The following TMEM167A variants were observed in gnomAD, a reference collection of about 807,000 sequenced individuals.
TMEM167A encodes protein kish-A.
In TMEM167A, 8 loss-of-function variants were observed where a neutral mutation model predicts 11.6. The observed-to-expected ratio is 0.69, with a 90% CI of 0.40 to 1.24. The LOEUF is 1.24. Ranked by LOEUF, TMEM167A falls within the 50% of genes most tolerant of loss-of-function variation. The pLI is 0.01. For missense variants in TMEM167A, 62 were observed against 87.0 expected (o/e 0.71, Z 1.14); for synonymous variants, 22 against 28.0 (o/e 0.79, Z 0.67).
In TMEM167A at chr5:83,060,208, G is replaced by A. The variant is rs1274667811; in HGVS notation, c.148+1669C>T. On this transcript the variant is annotated intron_variant, in intron 3 of 3. Transcript: ENST00000502346. ...GGAACACAGTTTATCTAATGGAGATGCCTCTTCAATTCTCTATCCTATTAA... is the reference window on the plus strand; with the variant it reads ...GGAACACAGTTTATCTAATGGAGATACCTCTTCAATTCTCTATCCTATTAA... Among the ~76,000 whole-genome samples, 52 of 148,482 alleles carry A rather than the reference G, an allele frequency of 3.5e-4. 1 individual carries two copies. Among genetic ancestry groups the A allele is most frequent in the Admixed American group, 3.5e-3 (52 of 15,006 alleles).
rs1044390898 is a variant in TMEM167A at position 83,057,087 on chromosome 5, C to T, written c.216G>A (p.Gln72=). The change falls in exon 4 of 4, where the codon CAG becomes CAA. Residue 72 remains glutamine (Q), a synonymous_variant. Transcript: ENST00000502346. ...IVMAFSILFI[Q] is the part of the protein sequence containing the mutation. ...TACATTCTGGCATTTTCCCCAGCTA[C>T]TGTATGAAGAGGATGCTGAAGGCCA... The T allele has an allele frequency of 6.2e-7, 1 of 1,611,234 alleles. No individual in the cohort carries two copies. Among genetic ancestry groups the T allele is most frequent in the East Asian group, 2.2e-5 (1 of 44,868 alleles).
chr5:83,072,562 TCTGTTGC>T (rs1744577369), intron 1 of TMEM167A, among the ~76,000 whole-genome samples: 1 of 152,186 alleles, frequency 6.6e-6, no homozygotes, highest in African/African-American at 2.4e-5. Flanking sequence ...GGAGTCTCAC[TCTGTTGC>T]CCAGACTGGA....
At chr5:83,067,121 A>G (rs1162989767) in intron 1 of TMEM167A, among the ~76,000 whole-genome samples, 1 of 152,192 alleles carries the variant, frequency 6.6e-6, no homozygotes, top group African/African-American at 2.4e-5. Flanking sequence ...ATTGGAAGGC[A>G]ACATTGTAAA....
chr5:83,075,652 G>A (rs1281595321), intron 1 of TMEM167A, among the ~76,000 whole-genome samples: 1 of 151,968 alleles, frequency 6.6e-6, no homozygotes, highest in African/African-American at 2.4e-5. Flanking sequence ...GGCTGAGGCA[G>A]GAGAATTGCT....
chr5:83,072,285 A>C (rs1447282067), intron 1 of TMEM167A, among the ~76,000 whole-genome samples: 1 of 152,236 alleles, frequency 6.6e-6, no homozygotes, highest in Non-Finnish European at 1.5e-5. Flanking sequence ...AAAAATTAGA[A>C]TAAATGCTCC....
rs1361737444 is a variant in TMEM167A, at chr5:83,057,055, T to C, written c.*29A>G. 3.7e-6 allele frequency: 6 copies of C among 1,600,530 alleles called. No homozygotes were observed. The East Asian group carries it at 1.3e-4, about 36-fold the overall frequency. On this transcript the variant is annotated 3_prime_UTR_variant, in exon 4 of 4. Coordinates refer to ENST00000502346, the MANE Select transcript of TMEM167A (RefSeq NM_174909.5). ...AGTCCTTGTTCACAATCAAATCTGA[T>C]GGCAACTACATTCTGGCATTTTCCC...
intron 1 of TMEM167A, among the ~76,000 whole-genome samples, chr5:83,075,437 C>A (rs979279769): frequency 3.3e-5 from 5 of 152,122 alleles, no homozygotes; most frequent in Non-Finnish European, 4.4e-5. Context: ...AACATTTTAT[C>A]CTTGAAATGC....
At chr5:83,058,421 CTG>C (rs1744362848) in intron 3 of TMEM167A, among the ~76,000 whole-genome samples, 1 of 151,854 alleles carries the variant, frequency 6.6e-6, no homozygotes, top group Non-Finnish European at 1.5e-5. Flanking sequence ...GAAAGTGAAA[CTG>C]TTTTTACAAT....
chr5:83,070,471 G>A (rs747965538), intron 1 of TMEM167A, among the ~76,000 whole-genome samples: 1 of 152,086 alleles, frequency 6.6e-6, no homozygotes, highest in African/African-American at 2.4e-5. Context: ...TACCCAAACC[G>A]GAAGGATATA....
intron 1 of TMEM167A, 143 bp downstream of exon 1, chr5:83,077,178 T>C (rs1014195430): frequency 3.4e-6 from 4 of 1,176,998 alleles, no homozygotes; most frequent in Admixed American, 3.6e-5. Context: ...TTCTCTCTGG[T>C]TGGCCGTGGA....
intron 1 of TMEM167A, among the ~76,000 whole-genome samples, chr5:83,077,060 GTTAAAAC>G (rs1168906586): frequency 6.6e-6 from 1 of 152,250 alleles, no homozygotes; most frequent in Non-Finnish European, 1.5e-5. Flanking sequence ...TAGCCAACGT[GTTAAAAC>G]ACACCAACGC....
chr5:83,061,999 T>C (rs1744414151), intron 2 of TMEM167A, 88 bp from the exon 3 acceptor site: 1 of 1,044,874 alleles, frequency 9.6e-7, no homozygotes, highest in Non-Finnish European at 1.5e-6. Context: ...GAATTAATTG[T>C]ATATTAACAT....
At chr5:83,076,116 G>A (rs981962751) in intron 1 of TMEM167A, among the ~76,000 whole-genome samples, 1 of 152,188 alleles carries the variant, frequency 6.6e-6, no homozygotes, top group African/African-American at 2.4e-5. Context: ...ATAAGTTTGA[G>A]TACTGGCTTT....
rs190800515 is a variant in TMEM167A, at chr5:83,065,361, T to C, written c.4-244A>G. ...TCTAAGTCTTTGGCTGGGCGGAGAA[T>C]GGGCAGACAGACTTAAATGCTAGCT... On this transcript the variant is annotated intron_variant, in intron 1 of 3. Transcript: ENST00000502346. 9.0e-4 allele frequency among the ~76,000 whole-genome samples: 137 copies of C among 152,172 alleles called. No homozygotes were observed. In the Middle Eastern group the frequency reaches 0.014, roughly 15 times the overall value.
Position 83,053,356 on chromosome 5 carries a change from C to T in TMEM167A, c.*3728G>A, listed in dbSNP as rs947093458. 6.6e-6 allele frequency: 1 copy of T among 151,828 alleles called. No individual in the cohort carries two copies. Among genetic ancestry groups the T allele is most frequent in the African/African-American group, 2.4e-5 (1 of 41,366 alleles). The allele number at this position is 151,828 out of a possible 1,614,324, so 9.4% of individuals were successfully genotyped here. A position where few individuals can be genotyped will look rare whatever the true frequency, so the allele number is the denominator to read the frequency against. ...CAGGTGTGTGCTTTAACAATCAGGG[C>T]TGCTTTTGGTATCAAGAGTATGAGC... On this transcript the variant is annotated 3_prime_UTR_variant, in exon 4 of 4. Coordinates refer to ENST00000502346, the MANE Select transcript of TMEM167A (RefSeq NM_174909.5).
intron 2 of TMEM167A, among the ~76,000 whole-genome samples, chr5:83,063,916 C>T (rs1431489337): frequency 6.6e-6 from 1 of 151,874 alleles, no homozygotes; most frequent in Non-Finnish European, 1.5e-5. Flanking sequence ...ACAGTGAAGT[C>T]ATCAAGAACT....
chr5:83,077,310 C>G lies in TMEM167A; in HGVS notation c.3+11G>C. ...GAAGATCAACCGCGACCTGGGAGCCCCACTTCTTACCATAGCGAGGCCGGC... is the reference window on the plus strand; with the variant it reads ...GAAGATCAACCGCGACCTGGGAGCCGCACTTCTTACCATAGCGAGGCCGGC... On this transcript the variant is annotated intron_variant, in intron 1 of 3. Coordinates refer to ENST00000502346, the MANE Select transcript of TMEM167A (RefSeq NM_174909.5). 1 of 1,614,168 alleles carries G rather than the reference C, an allele frequency of 6.2e-7. No individual in the cohort carries two copies. Among genetic ancestry groups the G allele is most frequent in the Non-Finnish European group, 8.5e-7 (1 of 1,180,018 alleles).
At chr5:83,064,539 G>T (rs1744453086) in intron 2 of TMEM167A, among the ~76,000 whole-genome samples, 3 of 152,042 alleles carry the variant, frequency 2.0e-5, no homozygotes, top group Admixed American at 2.0e-4. Context: ...ACAGTTGGCG[G>T]GTACAGAAGG....
intron 1 of TMEM167A, among the ~76,000 whole-genome samples, chr5:83,069,884 A>G (rs1203138501): frequency 6.6e-6 from 1 of 152,164 alleles, no homozygotes; most frequent in Non-Finnish European, 1.5e-5. Flanking sequence ...CAAAGAAAAA[A>G]TACACATTCA....
Sources: gnomAD v4.1 joint callset for allele counts (sites outside exome capture counted in the v4.1 genomes callset) on GRCh38, gnomAD v4.1.1 for gene constraint, MANE v1.5 for transcripts, NCBI Gene and HGNC (gene_info 2026-07-23, HGNC 2026-07-21) for gene names.